The following UHMK1 variants were observed in gnomAD, a reference collection of about 807,000 sequenced individuals.
UHMK1 encodes the protein U2AF homology motif kinase 1.
A neutral mutation model predicts 44.0 loss-of-function variants in UHMK1; 18 were observed. That is an observed-to-expected ratio of 0.41 (90% CI 0.28 to 0.61). UHMK1 has a LOEUF of 0.61. Ranked by LOEUF, UHMK1 falls within the 20% of genes least tolerant of loss-of-function variation. The probability of loss-of-function intolerance (pLI) is 0.31; values close to 1 mark genes in which losing one functional copy is unlikely to be tolerated. For missense variants in UHMK1, 463 were observed against 522.5 expected, an observed-to-expected ratio of 0.89 and a Z score of 1.11; for synonymous variants, 231 against 198.5, an observed-to-expected ratio of 1.16 and a Z score of -1.38.
intron 4 of UHMK1, among the ~76,000 whole-genome samples, chr1:162,511,403 G>C (rs937929399): frequency 3.9e-5 from 6 of 151,932 alleles, no homozygotes; most frequent in African/African-American, 1.5e-4. Flanking sequence ...CTGGGCTCAA[G>C]CAGTCCTCCC....
At chr1:162,518,066 A>G (rs547105235) in intron 6 of UHMK1, 36 bp from the exon 7 acceptor site, 1 of 1,430,506 alleles carries the variant, frequency 7.0e-7, no homozygotes, top group African/African-American at 1.4e-5. Flanking sequence ...TGTTTATTAT[A>G]TCAGAGCAGT....
In UHMK1 at chr1:162,526,591, C is replaced by G. The variant is rs942855115; in HGVS notation, c.*4041C>G. 6.6e-6 allele frequency: 1 copy of G among 152,014 alleles called. No homozygotes were observed. Among genetic ancestry groups the G allele is most frequent in the African/African-American group, 2.4e-5 (1 of 41,406 alleles). 9.4% of individuals were successfully genotyped at this position (152,014 alleles called of 1,614,324 possible). ...TAATTAATAGCACTTCTGCCTTTTT[C>G]CTGGAGTAACTTTTAGATTGAGTCA... On this transcript the variant is annotated 3_prime_UTR_variant, in exon 8 of 8. Transcript: ENST00000489294.
intron 4 of UHMK1, among the ~76,000 whole-genome samples, chr1:162,511,553 C>G (rs1480103777): frequency 1.3e-5 from 2 of 152,110 alleles, no homozygotes; most frequent in African/African-American, 4.8e-5. Flanking sequence ...TAAGTTGTCT[C>G]TTCACCCTGT....
At chr1:162,505,585 C>T (rs762046534) in intron 4 of UHMK1, among the ~76,000 whole-genome samples, 8 of 152,148 alleles carry the variant, frequency 5.3e-5, no homozygotes, top group Non-Finnish European at 4.4e-5. Context: ...GCTACGATGT[C>T]GCTAGGCGAT....
intron 1 of UHMK1, among the ~76,000 whole-genome samples, chr1:162,499,738 G>A (rs1443336906): frequency 6.6e-6 from 1 of 152,088 alleles, no homozygotes; most frequent in Non-Finnish European, 1.5e-5. Context: ...TAGTATCTGT[G>A]AATGGTAATC....
At chr1:162,517,310 G>A (rs1170415029) in intron 6 of UHMK1, among the ~76,000 whole-genome samples, 2 of 151,876 alleles carry the variant, frequency 1.3e-5, no homozygotes, top group East Asian at 3.9e-4. Flanking sequence ...AAAACAAAAA[G>A]GAAAGAAAGA....
intron 1 of UHMK1, 134 bp downstream of exon 1, chr1:162,498,402 A>G: frequency 9.0e-7 from 1 of 1,113,120 alleles, no homozygotes; most frequent in Non-Finnish European, 1.2e-6. Flanking sequence ...CACCCCATCC[A>G]GGCCCCTTTC....
At chr1:162,503,262 A>G (rs1353849535) in intron 3 of UHMK1, among the ~76,000 whole-genome samples, 1 of 152,088 alleles carries the variant, frequency 6.6e-6, no homozygotes, top group Non-Finnish European at 1.5e-5. Context: ...AAATGAAGAA[A>G]AAAATGTTCT....
intron 7 of UHMK1, among the ~76,000 whole-genome samples, chr1:162,521,209 A>G (rs1415300843): frequency 1.3e-5 from 2 of 152,224 alleles, no homozygotes; most frequent in Non-Finnish European, 2.9e-5. Flanking sequence ...AATTATAAAA[A>G]TAATCAGAAT....
rs574039626 is a variant in UHMK1 at position 162,500,240 on chromosome 1, G to T, written c.554G>T (p.Gly185Val). The change falls in exon 2 of 8, where the codon GGC becomes GTC. Residue 185 changes from glycine (G) to valine (V), a missense_variant. Physicochemically the swap from Gly to Val is moderately radical, Grantham distance 109 (BLOSUM62 -3). Around this residue, in one of 3 missense-constraint regions of UHMK1, gnomAD observed 264 missense variants for 326.3 expected, o/e 0.81. Transcript: ENST00000489294. ...LIDFGLSFKEGNQDVKYIQTD... is the reference protein window; with the variant it reads ...LIDFGLSFKEVNQDVKYIQTD... ...GACTTTGGACTTAGCTTCAAAGAAG[G>T]CAATCAGGTAAGAAATAACCTTTTC... is the stretch of plus-strand genomic sequence containing the variant. 6.2e-7 allele frequency: 1 copy of T among 1,609,650 alleles called. No homozygotes were observed. The highest frequency in any genetic ancestry group is 8.5e-7 in the Non-Finnish European group (1 of 1,176,474).
In UHMK1 at chr1:162,498,255, T is replaced by C. The variant is rs1461646775; in HGVS notation, c.255T>C (p.Gly85=). The C allele has an allele frequency of 6.3e-7, 1 of 1,592,066 alleles. No homozygotes were observed. The highest frequency in any genetic ancestry group is 2.3e-5 in the East Asian group (1 of 43,872). The change falls in exon 1 of 8, where the codon GGT becomes GGC. Residue 85 remains glycine, a synonymous_variant. Transcript: ENST00000489294. ...KERAALEQLQ[G]HRNIVTLYGV... is the part of the protein sequence containing the mutation. ...GGGCGGCGCTGGAACAGTTGCAGGG[T>C]CACAGAAACATCGGTAATTGCCGCT...
chr1:162,521,037 TA>T (rs1311131538), intron 7 of UHMK1, among the ~76,000 whole-genome samples: 3 of 152,216 alleles, frequency 2.0e-5, no homozygotes, highest in South Asian at 2.1e-4. Context: ...CAGCTTTTGA[TA>T]AACTCTTGGA....
At chr1:162,508,702 CAA>C (rs111257399) in intron 4 of UHMK1, among the ~76,000 whole-genome samples, 2 of 129,710 alleles carry the variant, frequency 1.5e-5, no homozygotes, top group Admixed American at 7.7e-5. Flanking sequence ...ACTCTGTCTT[CAA>C]AAAAAAAAAA....
intron 7 of UHMK1, among the ~76,000 whole-genome samples, chr1:162,521,043 C>T (rs1232751543): frequency 6.6e-6 from 1 of 152,146 alleles, no homozygotes; most frequent in Non-Finnish European, 1.5e-5. Flanking sequence ...TTGATAAACT[C>T]TTGGAATCAC....
rs540421142 is a variant in UHMK1 at position 162,503,730 on chromosome 1, G to A, written c.754-24G>A. The A allele has an allele frequency of 3.8e-6, 6 of 1,598,130 alleles. No individual in the cohort carries two copies. In the African/African-American group the frequency reaches 8.0e-5, roughly 21 times the overall value. The stretch of plus-strand genomic sequence containing the variant: ...ATAAATACAGACTGAATAACCAAAG[G>A]AAAACTTTTCTCCGTTTTTTAAGGC... On this transcript the variant is annotated intron_variant, in intron 3 of 7. Coordinates refer to ENST00000489294, the MANE Select transcript of UHMK1 (RefSeq NM_175866.5).
At chr1:162,506,585 TC>T (rs1179178145) in intron 4 of UHMK1, among the ~76,000 whole-genome samples, 1 of 152,224 alleles carries the variant, frequency 6.6e-6, no homozygotes, top group Non-Finnish European at 1.5e-5. Flanking sequence ...TCCTTGAGTG[TC>T]CTATATATTA....
intron 6 of UHMK1, among the ~76,000 whole-genome samples, chr1:162,514,332 C>T (rs772503245): frequency 1.1e-4 from 17 of 151,634 alleles, no homozygotes; most frequent in Non-Finnish European, 2.1e-4. Context: ...CATGATGTCT[C>T]TCACTTACTA....
chr1:162,507,582 TTTTTTTTTTTC>T (rs1359685582), intron 4 of UHMK1, among the ~76,000 whole-genome samples: 1 of 53,404 alleles, frequency 1.9e-5, no homozygotes, highest in Non-Finnish European at 4.6e-5. Flanking sequence ...CCATTCTTTC[TTTTTTTTTTTC>T]TTTTTTTTTG....
intron 6 of UHMK1, among the ~76,000 whole-genome samples, chr1:162,516,255 C>T (rs1263123800): frequency 2.6e-5 from 4 of 152,146 alleles, no homozygotes; most frequent in African/African-American, 9.7e-5. Flanking sequence ...ACCTTTGTTA[C>T]TTCTGATGAA....
Sources: allele counts gnomAD v4.1 joint callset (sites outside exome capture counted in the v4.1 genomes callset), GRCh38; gene constraint gnomAD v4.1.1; regional missense constraint gnomAD v4.1.1; transcripts MANE v1.5; gene names NCBI Gene and HGNC (gene_info 2026-07-23, HGNC 2026-07-21).